Variants in ZNF821 observed in about 807,000 individuals in gnomAD.
ZNF821 encodes the protein zinc finger protein 821.
A neutral mutation model predicts 44.3 loss-of-function variants in ZNF821; 16 were observed. The observed-to-expected ratio is 0.36, with a 90% confidence interval of 0.24 to 0.55. ZNF821 has a LOEUF of 0.55. Among genes scored for constraint, ZNF821 ranks in the 20% least tolerant of loss-of-function variants. The probability of loss-of-function intolerance (pLI) is 0.86; values close to 1 mark genes in which losing one functional copy is unlikely to be tolerated. For missense variants in ZNF821, 436 were observed against 547.6 expected (o/e 0.80, Z 2.03); for synonymous variants, 204 against 197.6 (o/e 1.03, Z -0.27).
Position 71,879,931 on chromosome 16 carries a change from G to A in ZNF821, c.16C>T (p.Gln6Ter). MSRRK[Q>*]TNPNKVHWDQ... ...CAGTGAACTTTATTTGGATTTGTCT[G>A]TTTCCGACGGGACATGTTTCCCTGA... The change falls in exon 3 of 8, where the codon CAG becomes TAG. Residue 6 changes from glutamine (Q) to a stop codon, truncating the protein, a stop_gained. Transcript: ENST00000425432. LOFTEE classifies it high-confidence loss of function. The A allele has an allele frequency of 1.2e-6, 2 of 1,613,458 alleles. No individual in the cohort carries two copies. Among genetic ancestry groups the A allele is most frequent in the Non-Finnish European group, 1.7e-6 (2 of 1,179,740 alleles).
intron 4 of ZNF821, among the ~76,000 whole-genome samples, chr16:71,866,116 G>A (rs1251291998): frequency 6.6e-6 from 1 of 152,140 alleles, no homozygotes; most frequent in Admixed American, 6.6e-5. Flanking sequence ...CCTGGATCCT[G>A]GACTTCTGGG....
chr16:71,874,745 C>A (rs1367406410), intron 3 of ZNF821, among the ~76,000 whole-genome samples: 7 of 152,154 alleles, frequency 4.6e-5, no homozygotes, highest in Non-Finnish European at 1.0e-4. Context: ...TGAGCCACCA[C>A]GCTAGGCCCC....
At chr16:71,887,447 G>C (rs1173883458), upstream of ZNF821, among the ~76,000 whole-genome samples, 1 of 152,006 alleles carries the variant, frequency 6.6e-6, no homozygotes, top group Non-Finnish European at 1.5e-5. Flanking sequence ...ATTTTTAGTA[G>C]AGACGAGGTT....
At chr16:71,878,572 A>T (rs2036097326) in intron 3 of ZNF821, among the ~76,000 whole-genome samples, 1 of 152,170 alleles carries the variant, frequency 6.6e-6, no homozygotes, top group Admixed American at 6.5e-5. Flanking sequence ...AGTAAAGAGG[A>T]TACATAAGGA....
intron 3 of ZNF821, among the ~76,000 whole-genome samples, chr16:71,868,526 A>G (rs1216536252): frequency 1.3e-5 from 2 of 151,926 alleles, no homozygotes; most frequent in South Asian, 2.1e-4. Context: ...AATCTCTCTA[A>G]CCCCATCTTT....
chr16:71,866,932 T>C (rs2034609217), intron 4 of ZNF821, among the ~76,000 whole-genome samples: 2 of 152,178 alleles, frequency 1.3e-5, no homozygotes, highest in Admixed American at 1.3e-4. Context: ...GAATTCATAC[T>C]AATAATAACC....
intron 3 of ZNF821, among the ~76,000 whole-genome samples, chr16:71,874,266 A>T (rs983906321): frequency 6.6e-6 from 1 of 151,646 alleles, no homozygotes; most frequent in Admixed American, 6.6e-5. Context: ...CCGACCTGGG[A>T]ATTCTTAATA....
chr16:71,866,400 C>A (rs1345573685), intron 4 of ZNF821, among the ~76,000 whole-genome samples: 1 of 152,082 alleles, frequency 6.6e-6, no homozygotes, highest in African/African-American at 2.4e-5. Flanking sequence ...GGATTTGGGG[C>A]CTGGAAAGAG....
At chr16:71,871,933 G>A (rs1373728724) in intron 3 of ZNF821, among the ~76,000 whole-genome samples, 1 of 151,834 alleles carries the variant, frequency 6.6e-6, no homozygotes, top group African/African-American at 2.4e-5. Context: ...CTGAGTTCAA[G>A]CGATTCTCCT....
At chr16:71,886,441 T>A (rs981724583), upstream of ZNF821, among the ~76,000 whole-genome samples, 3 of 152,230 alleles carry the variant, frequency 2.0e-5, no homozygotes, top group African/African-American at 7.2e-5. Flanking sequence ...GAAGACCTTT[T>A]AATTAACCAT....
At chr16:71,880,912 A>G (rs1174148305) in intron 2 of ZNF821, among the ~76,000 whole-genome samples, 1 of 152,216 alleles carries the variant, frequency 6.6e-6, no homozygotes, top group Non-Finnish European at 1.5e-5. Context: ...AGGAGGGGAT[A>G]TATACGTAAG....
chr16:71,879,915 T>C lies in ZNF821; in HGVS notation c.32A>G (p.Lys11Arg). 1.9e-6 allele frequency: 3 copies of C among 1,613,740 alleles called. No homozygotes were observed. Among genetic ancestry groups the C allele is most frequent in the Non-Finnish European group, 2.5e-6 (3 of 1,179,834 alleles). Residue 11 changes from lysine to arginine, a missense_variant, in exon 3 of 8, where the codon AAA becomes AGA. Physicochemically the swap from Lys to Arg is conservative, Grantham distance 26 (BLOSUM62 2). Transcript: ENST00000425432. MSRRKQTNPN[K>R]VHWDQVFAGL... ...CAAAGCCCGATACTCACAGTGAACT[T>C]TATTTGGATTTGTCTGTTTCCGACG...
At chr16:71,875,523 G>A (rs1175053313) in intron 3 of ZNF821, among the ~76,000 whole-genome samples, 2 of 150,086 alleles carry the variant, frequency 1.3e-5, no homozygotes, top group Admixed American at 1.3e-4. Flanking sequence ...GTGCGATCTC[G>A]GCTCACTGCA....
intron 1 of ZNF821, among the ~76,000 whole-genome samples, chr16:71,893,488 C>G (rs1460650994): frequency 6.7e-6 from 1 of 148,868 alleles, no homozygotes. Flanking sequence ...GGGACAGGGT[C>G]TCACTCTGCT....
At chr16:71,892,579 T>G (rs1299760609) in intron 1 of ZNF821, among the ~76,000 whole-genome samples, 2 of 150,490 alleles carry the variant, frequency 1.3e-5, no homozygotes, top group Non-Finnish European at 3.0e-5. Context: ...AAATTTTTTT[T>G]TTTTTTTTTT....
rs201907905 is a variant in ZNF821 at position 71,894,972 on chromosome 16, G to C, written n.365C>G. On this transcript the variant is annotated non_coding_transcript_exon_variant, in exon 1 of 3. Coordinates refer to the ZNF821 transcript ENST00000561700. ...TACCACACAGACCGGAGCGATGCTG[G>C]TCCAAAGGGCAACCGGACGGCTTAA... is the stretch of plus-strand genomic sequence containing the variant. The C allele has an allele frequency of 7.5e-5, 57 of 761,170 alleles. No individual in the cohort carries two copies. In the East Asian group the frequency reaches 1.6e-3, roughly 22 times the overall value. The allele number at this position is 761,170 out of a possible 1,614,324, so 47.2% of individuals were successfully genotyped here. A position where few individuals can be genotyped will look rare whatever the true frequency, so the allele number is the denominator to read the frequency against.
In ZNF821 at chr16:71,860,980, T is replaced by G. The variant is rs896616871; in HGVS notation, c.585-308A>C. Among the ~76,000 whole-genome samples, 1 of 151,680 alleles carries G rather than the reference T, an allele frequency of 6.6e-6. No homozygotes were observed. The highest frequency in any genetic ancestry group is 1.5e-5 in the Non-Finnish European group (1 of 67,940). ...AAGCCATTCTCCTGCCTCAGCCTCC[T>G]GAGTAGCTGGGATTACAGGCGCACG... On this transcript the variant is annotated intron_variant, in intron 7 of 7. Transcript: ENST00000425432. This position sits in a 1 kb window ranked among gnomAD's most constrained non-coding sequence, Gnocchi z 7.3.
Position 71,883,209 on chromosome 16 carries a change from A to T in ZNF821, c.-78+2T>A, listed in dbSNP as rs2036612979. Reference sequence around the variant, plus strand: ...CTTGATGAAAAGAGAGTGCGTTCCCACCTCCAGCTCTGGTGCAGTTCCCAC... The same window carrying T: ...CTTGATGAAAAGAGAGTGCGTTCCCTCCTCCAGCTCTGGTGCAGTTCCCAC... On this transcript the variant is annotated splice_donor_variant, in intron 2 of 7. Transcript: ENST00000425432. LOFTEE classifies it low-confidence loss of function (5UTR_SPLICE). 1 of 456,308 alleles carries T rather than the reference A, an allele frequency of 2.2e-6. No individual in the cohort carries two copies. The highest frequency in any genetic ancestry group is 2.0e-5 in the African/African-American group (1 of 50,046). 28.3% of individuals were successfully genotyped at this position (456,308 alleles called of 1,614,324 possible).
upstream of ZNF821, among the ~76,000 whole-genome samples, chr16:71,886,360 C>A (rs998979717): frequency 6.6e-6 from 1 of 152,174 alleles, no homozygotes; most frequent in Non-Finnish European, 1.5e-5. Context: ...CATAGTGAAA[C>A]CCTTGTCTCT....
Sources: gnomAD v4.1 joint callset for allele counts (sites outside exome capture counted in the v4.1 genomes callset) on GRCh38, gnomAD v4.1.1 for gene constraint, Gnocchi (gnomAD v3.1) non-coding constraint, MANE v1.5 for transcripts, NCBI Gene and HGNC (gene_info 2026-07-23, HGNC 2026-07-21) for gene names.